Variants in SNX29 observed in about 807,000 individuals in gnomAD.
The protein encoded by SNX29 is sorting nexin-29.
SNX29 carries 78 observed loss-of-function variants against 102.1 expected under a neutral mutation model. The ratio of observed to expected loss-of-function variants is 0.76; its 90% CI spans 0.64 to 0.92. SNX29 has a LOEUF of 0.92. SNX29 is among the 40% of genes least tolerant of loss of function. The probability of loss-of-function intolerance (pLI) is 0.00; values close to 1 mark genes in which losing one functional copy is unlikely to be tolerated. For missense variants in SNX29, 1,280 were observed against 1,061.7 expected, an observed-to-expected ratio of 1.21 and a Z score of -2.86; for synonymous variants, 580 against 414.5, an observed-to-expected ratio of 1.40 and a Z score of -4.85.
intron 1 of SNX29, among the ~76,000 whole-genome samples, chr16:11,981,313 C>T (rs1170854550): frequency 1.3e-5 from 2 of 151,686 alleles, no homozygotes; most frequent in African/African-American, 4.8e-5. Context: ...CCATGCTGGC[C>T]AGCTGGTCTC....
At chr16:12,245,732 CT>C (rs1399674994) in intron 14 of SNX29, among the ~76,000 whole-genome samples, 3 of 152,134 alleles carry the variant, frequency 2.0e-5, no homozygotes, top group Admixed American at 2.0e-4. Context: ...GGAGTGGCAT[CT>C]GTTTCCTTGG....
At chr16:12,179,410 A>C (rs1161780784) in intron 13 of SNX29, among the ~76,000 whole-genome samples, 1 of 152,244 alleles carries the variant, frequency 6.6e-6, no homozygotes, top group East Asian at 1.9e-4. Flanking sequence ...GCCTGAGCCC[A>C]GGAGTTGGAG....
chr16:12,414,456 C>T lies in SNX29; in HGVS notation c.2037+10927C>T, dbSNP rs76053188. Among the ~76,000 whole-genome samples the T allele has an allele frequency of 9.7e-3, 1,473 of 152,260 alleles. 11 individuals are homozygous for T. The highest frequency in any genetic ancestry group is 0.015 in the Non-Finnish European group (1,020 of 68,020). On this transcript the variant is annotated intron_variant, in intron 18 of 20. Transcript: ENST00000566228. ...CATATTAACCGTGGCTTAAGTGGGA[C>T]CTTCTAAGTGTGGTCTCCATATCCC... is the stretch of plus-strand genomic sequence containing the variant.
At chr16:12,307,464 T>C (rs2080375249) in intron 15 of SNX29, among the ~76,000 whole-genome samples, 1 of 152,176 alleles carries the variant, frequency 6.6e-6, no homozygotes, top group South Asian at 2.1e-4. Flanking sequence ...CTCACATTTG[T>C]GAATGTTGAA....
intron 19 of SNX29, among the ~76,000 whole-genome samples, chr16:12,489,631 G>A (rs1306912238): frequency 2.0e-5 from 3 of 152,226 alleles, no homozygotes; most frequent in Non-Finnish European, 2.9e-5. Context: ...GGTGCGGTGT[G>A]TCCTTAGCCC....
At chr16:12,081,351 C>T (rs1172917917) in intron 11 of SNX29, 2 of 152,086 alleles carry the variant, frequency 1.3e-5, no homozygotes, top group African/African-American at 4.8e-5. Context: ...CGCACCTAGC[C>T]CTTTTGGAAG....
chr16:12,162,658 C>T (rs2055839537), intron 13 of SNX29, among the ~76,000 whole-genome samples: 1 of 152,184 alleles, frequency 6.6e-6, no homozygotes, highest in Non-Finnish European at 1.5e-5. Flanking sequence ...TCCTGTGGGC[C>T]ATAGTTGATG....
intron 15 of SNX29, among the ~76,000 whole-genome samples, chr16:12,342,382 A>G (rs771883065): frequency 2.6e-5 from 4 of 152,186 alleles, no homozygotes; most frequent in Non-Finnish European, 5.9e-5. Flanking sequence ...TGATGAAACC[A>G]TGAGGCTTAG....
intron 18 of SNX29, among the ~76,000 whole-genome samples, chr16:12,449,172 G>A (rs186987704): frequency 4.6e-5 from 7 of 152,228 alleles, no homozygotes; most frequent in Admixed American, 3.9e-4. Context: ...GGGATAGGGA[G>A]GAGGAATAGT....
chr16:12,562,686 C>G (rs137887649), intron 20 of SNX29, among the ~76,000 whole-genome samples: 5 of 152,142 alleles, frequency 3.3e-5, no homozygotes, highest in Non-Finnish European at 7.4e-5. Flanking sequence ...CAGGCACTGC[C>G]TTCTTTGGAG....
At chr16:12,441,319 AC>A (rs1181777338) in intron 18 of SNX29, among the ~76,000 whole-genome samples, 4 of 151,288 alleles carry the variant, frequency 2.6e-5, no homozygotes, top group Non-Finnish European at 5.9e-5. Flanking sequence ...CAATCTCCTG[AC>A]CTTGTGATCC....
At chr16:12,543,464 G>T (rs2077437371) in intron 20 of SNX29, among the ~76,000 whole-genome samples, 1 of 152,210 alleles carries the variant, frequency 6.6e-6, no homozygotes, top group Non-Finnish European at 1.5e-5. Flanking sequence ...GGGGTCTGGT[G>T]AACAGCTGTC....
intron 20 of SNX29, among the ~76,000 whole-genome samples, chr16:12,538,875 A>T (rs1597819026): frequency 6.6e-6 from 1 of 150,706 alleles, no homozygotes; most frequent in Admixed American, 6.6e-5. Flanking sequence ...AGATGGGGCC[A>T]TTTGTACACT....
At chr16:12,546,668 C>G (rs1016336711) in intron 20 of SNX29, 2 of 152,182 alleles carry the variant, frequency 1.3e-5, no homozygotes, top group East Asian at 1.9e-4. Context: ...GTGGATAAAT[C>G]TTCCTTTTTG....
At chr16:12,534,566 T>G (rs550682534) in intron 20 of SNX29, among the ~76,000 whole-genome samples, 99 of 152,318 alleles carry the variant, frequency 6.5e-4, no homozygotes, top group African/African-American at 2.2e-3. Context: ...GGTCACAGGT[T>G]ATTAGGGTTG....
rs9929231 is a variant in SNX29 at position 12,354,962 on chromosome 16, G to A, written c.1783-1201G>A. On this transcript the variant is annotated intron_variant, in intron 15 of 20. Transcript: ENST00000566228. ...TCATATTTCACACTGGTTTGAAAGC[G>A]TCTGTACCTCAGGGACAGAAGGGGG... is the stretch of plus-strand genomic sequence containing the variant. 5.9e-5 allele frequency among the ~76,000 whole-genome samples: 9 copies of A among 152,288 alleles called. No individual in the cohort carries two copies. In the South Asian group the frequency reaches 8.3e-4, roughly 14 times the overall value.
chr16:12,356,504 C>CTA (rs1017468342), intron 16 of SNX29, among the ~76,000 whole-genome samples: 27 of 152,196 alleles, frequency 1.8e-4, no homozygotes, highest in African/African-American at 6.5e-4. Flanking sequence ...TTCTAGTCAT[C>CTA]TATAGTTAAA....
chr16:12,549,985 T>C (rs12443538), intron 20 of SNX29, among the ~76,000 whole-genome samples: 1 of 152,202 alleles, frequency 6.6e-6, no homozygotes, highest in Non-Finnish European at 1.5e-5. Flanking sequence ...TCACACTTCA[T>C]GTATAGCTTC....
At chr16:12,309,278 CTCAA>C (rs954387323) in intron 15 of SNX29, among the ~76,000 whole-genome samples, 13 of 152,170 alleles carry the variant, frequency 8.5e-5, no homozygotes, top group African/African-American at 3.1e-4. Flanking sequence ...CTTTTTGGTG[CTCAA>C]GTTGGGGAGA....
Sources: gnomAD v4.1 joint callset for allele counts (sites outside exome capture counted in the v4.1 genomes callset) on GRCh38, gnomAD v4.1.1 for gene constraint, MANE v1.5 for transcripts, NCBI Gene and HGNC (gene_info 2026-07-23, HGNC 2026-07-21) for gene names.